Variants in MCOLN3 observed in about 807,000 individuals in gnomAD.
MCOLN3 encodes mucolipin-3.
Under a neutral mutation model 69.4 loss-of-function variants are expected in MCOLN3, and 62 were observed. The ratio of observed to expected loss-of-function variants is 0.89; its 90% CI spans 0.73 to 1.10. The LOEUF (loss-of-function observed/expected upper bound fraction) is 1.10. Among genes scored for constraint, MCOLN3 ranks in the 50% least tolerant of loss-of-function variants. MCOLN3 has a pLI of 0.00. For missense variants in MCOLN3, 564 were observed against 656.4 expected (o/e 0.86, Z 1.54); for synonymous variants, 183 against 217.0 (o/e 0.84, Z 1.38).
At chr1:85,031,811 G>A (rs1652539022) in intron 6 of MCOLN3, among the ~76,000 whole-genome samples, 1 of 152,130 alleles carries the variant, frequency 6.6e-6, no homozygotes, top group South Asian at 2.1e-4. Flanking sequence ...GGTGGCTCAC[G>A]CCTGTAATCC....
rs1651756130 is a variant in MCOLN3, at chr1:85,018,245, TAC to T, written c.*876_*877del. ...GTAACAGTTGGCTTTCATAACCAAATACAGTCATATGCTGGATAACGATGTTT... is the reference window on the plus strand; with the variant it reads ...GTAACAGTTGGCTTTCATAACCAAATAGTCATATGCTGGATAACGATGTTT... On this transcript the variant is annotated 3_prime_UTR_variant, in exon 13 of 13. Transcript: ENST00000370589. The T allele has an allele frequency of 6.6e-6, 1 of 152,208 alleles. No homozygotes were observed. The highest frequency in any genetic ancestry group is 1.5e-5 in the Non-Finnish European group (1 of 68,038). The allele number at this position is 152,208 out of a possible 1,614,324, so 9.4% of individuals were successfully genotyped here. A position where few individuals can be genotyped will look rare whatever the true frequency, so the allele number is the denominator to read the frequency against.
At chr1:85,047,785 T>C (rs1242478338) in intron 1 of MCOLN3, among the ~76,000 whole-genome samples, 2 of 152,154 alleles carry the variant, frequency 1.3e-5, no homozygotes, top group Non-Finnish European at 2.9e-5. Context: ...GGTTGACACT[T>C]TTGTTGGGTA....
intron 6 of MCOLN3, among the ~76,000 whole-genome samples, chr1:85,031,937 A>G (rs1014182352): frequency 3.3e-5 from 5 of 151,896 alleles, no homozygotes; most frequent in South Asian, 2.1e-4. Context: ...TTAGCCGGGC[A>G]TGGTGGCGGA....
chr1:85,041,991 GCACACACACA>G (rs146720463), intron 2 of MCOLN3, among the ~76,000 whole-genome samples: 1 of 145,610 alleles, frequency 6.9e-6, no homozygotes, highest in Admixed American at 6.9e-5. Context: ...GCACACACAG[GCACACACACA>G]CACACACACC....
At chr1:85,030,009 T>A (rs572027017) in intron 6 of MCOLN3, 1 of 152,362 alleles carries the variant, frequency 6.6e-6, no homozygotes, top group African/African-American at 2.4e-5. Flanking sequence ...ACACTTCAAA[T>A]ATAAGATTTC....
intron 12 of MCOLN3, 129 bp from the exon 13 acceptor site, chr1:85,019,386 C>T: frequency 1.2e-6 from 1 of 849,412 alleles, no homozygotes; most frequent in Non-Finnish European, 1.8e-6. Context: ...CTCCTGAGTA[C>T]CTGCAAAGGA....
At chr1:85,040,222 C>T (rs2102940404) in intron 3 of MCOLN3, among the ~76,000 whole-genome samples, 1 of 152,266 alleles carries the variant, frequency 6.6e-6, no homozygotes, top group Admixed American at 6.5e-5. Context: ...AGAAAGACTT[C>T]ATGCCATAAA....
intron 9 of MCOLN3, 65 bp downstream of exon 9, chr1:85,025,874 G>A (rs1178777856): frequency 7.0e-7 from 1 of 1,434,346 alleles, no homozygotes; most frequent in South Asian, 1.3e-5. Flanking sequence ...CTTACATTCT[G>A]GAAAAATACA....
intron 3 of MCOLN3, among the ~76,000 whole-genome samples, chr1:85,037,661 C>A (rs547209490): frequency 6.6e-6 from 1 of 152,312 alleles, no homozygotes; most frequent in South Asian, 2.1e-4. Flanking sequence ...GAGCATCTGG[C>A]AAGAACTGGG....
At chr1:85,043,464 A>G (rs2102944496) in intron 2 of MCOLN3, among the ~76,000 whole-genome samples, 1 of 151,140 alleles carries the variant, frequency 6.6e-6, no homozygotes, top group Admixed American at 6.6e-5. Flanking sequence ...CGGGAGGCGG[A>G]GGTTGCAGTG....
At position 85,046,687 on chromosome 1, in the gene MCOLN3, A is replaced by G. The variant is rs569513584; in HGVS notation, c.-2-1325T>C. ...AATTCAAGCATTCTTAGGAAGCCCA[A>G]CATCTCCGAACAATAGATACTGGCT... is the stretch of plus-strand genomic sequence containing the variant. On this transcript the variant is annotated intron_variant, in intron 1 of 12. Coordinates refer to ENST00000370589, the MANE Select transcript of MCOLN3 (RefSeq NM_018298.11). Among the ~76,000 whole-genome samples the G allele has an allele frequency of 5.9e-5, 9 of 152,362 alleles. No homozygotes were observed. The South Asian group carries it at 6.2e-4, about 11-fold the overall frequency.
At chr1:85,029,241 T>A (rs371360127) in intron 6 of MCOLN3, 36 bp from the exon 7 acceptor site, 1 of 1,356,542 alleles carries the variant, frequency 7.4e-7, no homozygotes, top group Non-Finnish European at 1.1e-6. Context: ...AACATACTTA[T>A]AGTTTTGGAG....
chr1:85,021,943 G>A lies in MCOLN3; in HGVS notation c.1320+127C>T, dbSNP rs1008132646. On this transcript the variant is annotated intron_variant, in intron 11 of 12. Coordinates refer to ENST00000370589, the MANE Select transcript of MCOLN3 (RefSeq NM_018298.11). The stretch of plus-strand genomic sequence containing the variant: ...CTTTCACTTTATAAATATGGCACTA[G>A]ATATACTACCTTCAACATTTTAAGG... 7.6e-6 allele frequency: 9 copies of A among 1,185,268 alleles called. No homozygotes were observed. The Admixed American group carries it at 1.4e-4, about 18-fold the overall frequency. The allele number at this position is 1,185,268 out of a possible 1,614,324, so 73.4% of individuals were successfully genotyped here.
chr1:85,020,889 C>T (rs1211006151), intron 12 of MCOLN3, among the ~76,000 whole-genome samples, 181 bp downstream of exon 12: 2 of 152,146 alleles, frequency 1.3e-5, no homozygotes, highest in African/African-American at 4.8e-5. Flanking sequence ...GAGACTAAGA[C>T]TTTCAACATT....
intron 3 of MCOLN3, among the ~76,000 whole-genome samples, chr1:85,038,994 C>G (rs1236140736): frequency 6.6e-6 from 1 of 151,374 alleles, no homozygotes; most frequent in African/African-American, 2.4e-5. Context: ...GACCCTGTCT[C>G]AAAAATAAAA....
chr1:85,029,263 C>G, intron 6 of MCOLN3, 58 bp from the exon 7 acceptor site: 1 of 1,024,660 alleles, frequency 9.8e-7, no homozygotes, highest in Non-Finnish European at 1.5e-6. Flanking sequence ...CAAGAAACCT[C>G]TACACATTAA....
chr1:85,048,338 G>C (rs1015906068), intron 1 of MCOLN3, 58 bp downstream of exon 1: 1 of 151,814 alleles, frequency 6.6e-6, no homozygotes, highest in Admixed American at 6.6e-5. Context: ...CTCCCTGTGC[G>C]CCGCGGGCGC....
At chr1:85,020,927 A>G (rs1048001635) in intron 12 of MCOLN3, 143 bp downstream of exon 12, 11 of 560,654 alleles carry the variant, frequency 2.0e-5, no homozygotes, top group East Asian at 1.3e-4. Flanking sequence ...CTATTTATCA[A>G]TTTCTAAAAA....
chr1:85,041,531 T>C (rs898969137), intron 2 of MCOLN3, among the ~76,000 whole-genome samples: 1 of 152,228 alleles, frequency 6.6e-6, no homozygotes, highest in Non-Finnish European at 1.5e-5. Flanking sequence ...AAGGTTTCAC[T>C]GCACTGTTGT....
Sources: allele counts gnomAD v4.1 joint callset (sites outside exome capture counted in the v4.1 genomes callset), GRCh38; gene constraint gnomAD v4.1.1; transcripts MANE v1.5; gene names NCBI Gene and HGNC (gene_info 2026-07-23, HGNC 2026-07-21).